MYZAP: variants seen among roughly 807,000 people sequenced by gnomAD.
MYZAP encodes myocardial zonula adherens protein.
In MYZAP, 66 loss-of-function variants were observed where a neutral mutation model predicts 69.4. That is an observed-to-expected ratio of 0.95 (90% CI 0.78 to 1.17). MYZAP has a LOEUF of 1.17. Ranked by LOEUF, MYZAP falls within the 50% of genes most tolerant of loss-of-function variation. The probability of loss-of-function intolerance (pLI) is 0.00; values close to 1 mark genes in which losing one functional copy is unlikely to be tolerated. For synonymous variants in MYZAP, 256 were observed against 205.9 expected (o/e 1.24, Z -2.09); for missense variants, 611 against 556.2 (o/e 1.10, Z -0.99).
At chr15:57,605,994 G>C (rs937250) in intron 2 of MYZAP, among the ~76,000 whole-genome samples, 76,677 of 151,924 alleles carry the variant, frequency 0.5, 19,870 homozygotes, top group Non-Finnish European at 0.58. Flanking sequence ...CACGAGATCA[G>C]AGGATAAAAT....
intron 11 of MYZAP, among the ~76,000 whole-genome samples, chr15:57,667,616 C>G (rs1219859198): frequency 6.6e-6 from 1 of 152,158 alleles, no homozygotes; most frequent in African/African-American, 2.4e-5. Flanking sequence ...TGTATCAAAT[C>G]GGTTAATTTA....
intron 10 of MYZAP, chr15:57,648,597 A>G (rs2037567784): frequency 2.6e-6 from 1 of 389,138 alleles, no homozygotes; most frequent in Non-Finnish European, 3.5e-6. Context: ...GTCTCTCAGC[A>G]AATAATGATG....
intron 11 of MYZAP, among the ~76,000 whole-genome samples, chr15:57,669,114 C>G (rs988356421): frequency 6.6e-6 from 1 of 152,066 alleles, no homozygotes; most frequent in Non-Finnish European, 1.5e-5. Context: ...GTCTCGAACT[C>G]CTGAGCTCAA....
intron 7 of MYZAP, among the ~76,000 whole-genome samples, chr15:57,632,999 T>C (rs1457329259): frequency 6.6e-6 from 1 of 152,184 alleles, no homozygotes; most frequent in Non-Finnish European, 1.5e-5. Context: ...AGAACCATTA[T>C]CTGTCCTTAG....
At chr15:57,648,453 A>G (rs1254269839) in intron 10 of MYZAP, 1 of 985,276 alleles carries the variant, frequency 1.0e-6, no homozygotes, top group Non-Finnish European at 1.2e-6. Flanking sequence ...CCAGTCACGA[A>G]TGCTTCTCTC....
At chr15:57,662,849 G>C (rs1457966121) in intron 11 of MYZAP, among the ~76,000 whole-genome samples, 1 of 152,096 alleles carries the variant, frequency 6.6e-6, no homozygotes, top group East Asian at 1.9e-4. Flanking sequence ...TGTTTTTGAG[G>C]GGTTGCCTTA....
At chr15:57,668,358 G>A (rs1276629540) in intron 11 of MYZAP, among the ~76,000 whole-genome samples, 5 of 152,146 alleles carry the variant, frequency 3.3e-5, no homozygotes, top group African/African-American at 9.7e-5. Context: ...TTAAGAGACC[G>A]TCAGTTTTTC....
chr15:57,621,629 G>A lies in MYZAP; in HGVS notation c.340G>A (p.Val114Met). Residue 114 changes from valine to methionine, a missense_variant, in exon 4 of 13, where the codon GTG becomes ATG. Coordinates refer to ENST00000267853, the MANE Select transcript of MYZAP (RefSeq NM_001018100.5). ...ACAGGTGAGAGCCACTTTGGAAAAG[G>A]TGAGAAAGCGAATGTATGGAGACTA... is the stretch of plus-strand genomic sequence containing the variant. ...IKDVRATLEK[V>M]RKRMYGDYDE... is the part of the protein sequence containing the mutation. The A allele has an allele frequency of 1.2e-6, 2 of 1,613,774 alleles. No individual in the cohort carries two copies. Among genetic ancestry groups the A allele is most frequent in the East Asian group, 2.2e-5 (1 of 44,860 alleles).
chr15:57,662,895 G>A (rs75614746), intron 11 of MYZAP, among the ~76,000 whole-genome samples: 235 of 152,300 alleles, frequency 1.5e-3, no homozygotes, highest in African/African-American at 5.5e-3. Flanking sequence ...ATGGCCCATA[G>A]GGGCCTGGCA....
chr15:57,640,779 T>C (rs2037105518), intron 10 of MYZAP, among the ~76,000 whole-genome samples: 1 of 152,144 alleles, frequency 6.6e-6, no homozygotes, highest in African/African-American at 2.4e-5. Context: ...ATCATGTACA[T>C]CTTATATTGG....
At chr15:57,643,636 A>T (rs1340342348) in intron 10 of MYZAP, among the ~76,000 whole-genome samples, 1 of 152,236 alleles carries the variant, frequency 6.6e-6, no homozygotes, top group Non-Finnish European at 1.5e-5. Context: ...TCTTAAGGAA[A>T]AAATCAACTA....
At chr15:57,645,996 G>A (rs1310061328) in intron 10 of MYZAP, 7 of 375,088 alleles carry the variant, frequency 1.9e-5, no homozygotes, top group African/African-American at 1.3e-4. Context: ...TGCAACACAC[G>A]AAAGTACATT....
chr15:57,616,822 C>CTTTTT lies in MYZAP; in HGVS notation c.163-1190_163-1186dup, dbSNP rs763856721. On this transcript the variant is annotated intron_variant, in intron 2 of 12. Transcript: ENST00000267853. The stretch of plus-strand genomic sequence containing the variant: ...GAGACTCCATCTAAAAAAAAAAGTG[C>CTTTTT]TTTTTTTTTTTTTTTTTTTTTTTTT... 5.1e-3 allele frequency among the ~76,000 whole-genome samples: 253 copies of CTTTTT among 50,052 alleles called. 20 individuals carry two copies. Among genetic ancestry groups the CTTTTT allele is most frequent in the African/African-American group, 0.016 (201 of 12,616 alleles). The allele number at this position is 50,052 out of a possible 152,430, so 32.8% of individuals were successfully genotyped here.
intron 6 of MYZAP, among the ~76,000 whole-genome samples, chr15:57,630,241 G>A (rs1167888667): frequency 6.6e-6 from 1 of 152,142 alleles, no homozygotes; most frequent in Middle Eastern, 3.2e-3. Flanking sequence ...GTGCTGGGAT[G>A]ACAGGCGTGA....
intron 10 of MYZAP, chr15:57,646,758 C>T (rs986444359): frequency 1.0e-6 from 1 of 985,392 alleles, no homozygotes; most frequent in African/African-American, 1.7e-5. Context: ...TCTTAGGACT[C>T]TTCTAAGAGG....
chr15:57,673,960 A>G (rs2038997028), intron 11 of MYZAP, among the ~76,000 whole-genome samples: 1 of 152,240 alleles, frequency 6.6e-6, no homozygotes, highest in African/African-American at 2.4e-5. Context: ...TATTTAGCAA[A>G]TATTTATCTT....
At chr15:57,680,926 A>C (rs1595949165) in intron 12 of MYZAP, 1 of 152,244 alleles carries the variant, frequency 6.6e-6, no homozygotes, top group South Asian at 2.1e-4. Context: ...TTGATTAATA[A>C]AAGGTTAACA....
chr15:57,632,352 C>A (rs961085814), intron 6 of MYZAP, 82 bp from the exon 7 acceptor site: 3 of 1,589,046 alleles, frequency 1.9e-6, no homozygotes, highest in South Asian at 1.2e-5. Flanking sequence ...CTCTGTGAGT[C>A]CCCACATGAA....
chr15:57,665,825 TA>T (rs1336889250), intron 11 of MYZAP, among the ~76,000 whole-genome samples: 2 of 152,226 alleles, frequency 1.3e-5, no homozygotes, highest in Non-Finnish European at 2.9e-5. Context: ...CTAGGGATTT[TA>T]TTGTCAAAAA....
Sources: allele counts gnomAD v4.1 joint callset (sites outside exome capture counted in the v4.1 genomes callset), GRCh38; gene constraint gnomAD v4.1.1; transcripts MANE v1.5; gene names NCBI Gene and HGNC (gene_info 2026-07-23, HGNC 2026-07-21).